INTS9: variants seen among roughly 807,000 people sequenced by gnomAD.
INTS9 encodes the protein protein related to CPSF subunits of 74 kDa.
INTS9 carries 55 observed loss-of-function variants against 79.7 expected under a neutral mutation model. The observed-to-expected ratio is 0.69, with a 90% confidence interval of 0.56 to 0.86. INTS9 has a LOEUF of 0.86. Ranked by LOEUF, INTS9 falls within the 40% of genes least tolerant of loss-of-function variation. The pLI is 0.00. For missense variants in INTS9, 721 were observed against 831.5 expected, an observed-to-expected ratio of 0.87 and a Z score of 1.64; for synonymous variants, 319 against 325.2, an observed-to-expected ratio of 0.98 and a Z score of 0.20.
At chr8:28,808,297 G>A (rs961322089) in intron 8 of INTS9, among the ~76,000 whole-genome samples, 5 of 151,384 alleles carry the variant, frequency 3.3e-5, no homozygotes, top group Non-Finnish European at 2.9e-5. Flanking sequence ...GGGTTCAAGC[G>A]ATTCTCCTGC....
intron 14 of INTS9, among the ~76,000 whole-genome samples, chr8:28,772,397 C>T (rs1311490937): frequency 6.6e-6 from 1 of 152,022 alleles, no homozygotes; most frequent in Non-Finnish European, 1.5e-5. Context: ...GCCTATAATC[C>T]CAGCTACTCG....
chr8:28,804,476 C>A (rs1804694505), intron 8 of INTS9, among the ~76,000 whole-genome samples: 1 of 147,382 alleles, frequency 6.8e-6, no homozygotes, highest in Non-Finnish European at 1.5e-5. Context: ...CGCCCCCCTG[C>A]ATGAGGAAGG....
At position 28,768,059 on chromosome 8, in the gene INTS9, T is replaced by C; in HGVS notation, c.*87A>G. The C allele has an allele frequency of 8.2e-7, 1 of 1,215,464 alleles. No individual in the cohort carries two copies. The highest frequency in any genetic ancestry group is 1.2e-6 in the Non-Finnish European group (1 of 831,382). 75.3% of individuals were successfully genotyped at this position (1,215,464 alleles called of 1,614,324 possible). ...GAGGACACCACAAAGACACAGTTAA[T>C]GGCCTCTCATGCCACTCCTCAGGTG... On this transcript the variant is annotated 3_prime_UTR_variant, in exon 17 of 17. Transcript: ENST00000521022.
intron 1 of INTS9, among the ~76,000 whole-genome samples, chr8:28,883,292 C>A (rs1013714083): frequency 6.6e-6 from 1 of 152,194 alleles, no homozygotes. Context: ...TCTTATGGCA[C>A]CATATTTTTA....
At chr8:28,871,398 T>A (rs1216981217) in intron 1 of INTS9, among the ~76,000 whole-genome samples, 1 of 152,172 alleles carries the variant, frequency 6.6e-6, no homozygotes, top group African/African-American at 2.4e-5. Flanking sequence ...AATATAATTC[T>A]GGGGTAGGAG....
intron 6 of INTS9, among the ~76,000 whole-genome samples, chr8:28,819,386 A>C (rs1426844279): frequency 1.3e-5 from 2 of 152,044 alleles, no homozygotes; most frequent in African/African-American, 2.4e-5. Flanking sequence ...GAACATCTTT[A>C]TTTCTGCCTT....
chr8:28,876,826 C>T (rs1019479875), intron 1 of INTS9, among the ~76,000 whole-genome samples: 1 of 151,840 alleles, frequency 6.6e-6, no homozygotes, highest in Non-Finnish European at 1.5e-5. Context: ...GAAAACCACA[C>T]AGGAAAAGAT....
At chr8:28,881,824 G>GGGT (rs1177521016) in intron 1 of INTS9, among the ~76,000 whole-genome samples, 32 of 145,420 alleles carry the variant, frequency 2.2e-4, no homozygotes, top group Non-Finnish European at 4.3e-4. Flanking sequence ...CCGTCCGGGA[G>GGGT]GGTGGTGGGG....
At chr8:28,769,069 G>A (rs747251021) in intron 16 of INTS9, among the ~76,000 whole-genome samples, 29 of 152,326 alleles carry the variant, frequency 1.9e-4, no homozygotes, top group Non-Finnish European at 3.7e-4. Flanking sequence ...GGTCTTCAGG[G>A]AGGGTGGAAG....
rs1802998479 is a variant in INTS9 at position 28,778,021 on chromosome 8, C to G, written c.1271-68G>C. Reference sequence around the variant, plus strand: ...CAGGAGCTGCCAAGCCAGACAGCAACTGGGGCGCTGAGGGCCCACAGACAG... The same window carrying G: ...CAGGAGCTGCCAAGCCAGACAGCAAGTGGGGCGCTGAGGGCCCACAGACAG... On this transcript the variant is annotated intron_variant, in intron 12 of 16. Coordinates refer to ENST00000521022, the MANE Select transcript of INTS9 (RefSeq NM_018250.4). The G allele has an allele frequency of 6.7e-6, 10 of 1,490,740 alleles. No individual in the cohort carries two copies. The South Asian group carries it at 1.3e-4, about 20-fold the overall frequency. 92.3% of individuals were successfully genotyped at this position (1,490,740 alleles called of 1,614,324 possible).
chr8:28,775,672 TA>T, intron 14 of INTS9, 86 bp downstream of exon 14: 13 of 1,396,646 alleles, frequency 9.3e-6, no homozygotes, highest in East Asian at 2.3e-5. Flanking sequence ...ATACTTGACA[TA>T]AATCCAAAAG....
chr8:28,815,071 G>A lies in INTS9; in HGVS notation c.489-1459C>T, dbSNP rs78215219. Among the ~76,000 whole-genome samples the A allele has an allele frequency of 3.3e-3, 496 of 152,238 alleles. 2 individuals are homozygous for A. The highest frequency in any genetic ancestry group is 0.011 in the African/African-American group (476 of 41,556). ...AATAAAGGCCTCAAGTGGGGGCAGA[G>A]GAGCAGGCAGGGAAATTAGAAGAAA... On this transcript the variant is annotated intron_variant, in intron 6 of 16. Coordinates refer to ENST00000521022, the MANE Select transcript of INTS9 (RefSeq NM_018250.4).
rs35799882 is a variant in INTS9 at position 28,884,168 on chromosome 8, C to CTTTT, written c.9+5702_9+5705dup. ...TACCAAAAGTCTGTCATCAGTGTAT[C>CTTTT]TTTTTTTTTTTTTTTTTTTTTTTTT... On this transcript the variant is annotated intron_variant, in intron 1 of 16. Coordinates refer to ENST00000521022, the MANE Select transcript of INTS9 (RefSeq NM_018250.4). Among the ~76,000 whole-genome samples, 121 of 46,986 alleles carry CTTTT rather than the reference C, an allele frequency of 2.6e-3. 5 individuals are homozygous for CTTTT. The highest frequency in any genetic ancestry group is 4.4e-3 in the South Asian group (3 of 688). The allele number at this position is 46,986 out of a possible 152,430, so 30.8% of individuals were successfully genotyped here. A position where few individuals can be genotyped will look rare whatever the true frequency, so the allele number is the denominator to read the frequency against.
chr8:28,882,322 G>C (rs1585537164), intron 1 of INTS9, among the ~76,000 whole-genome samples: 1 of 114,340 alleles, frequency 8.7e-6, no homozygotes, highest in Non-Finnish European at 2.2e-5. Context: ...CACTGCGGAA[G>C]GCCGAAGGCC....
At chr8:28,831,566 G>A (rs946635112) in intron 6 of INTS9, among the ~76,000 whole-genome samples, 2 of 152,176 alleles carry the variant, frequency 1.3e-5, no homozygotes, top group African/African-American at 4.8e-5. Flanking sequence ...CCGTAATGTA[G>A]GTGGCACTTC....
chr8:28,872,994 T>C (rs1809178301), intron 1 of INTS9, among the ~76,000 whole-genome samples: 1 of 152,032 alleles, frequency 6.6e-6, no homozygotes, highest in Admixed American at 6.5e-5. Flanking sequence ...TTTTTCTTTA[T>C]GCCTCTCAGG....
intron 10 of INTS9, among the ~76,000 whole-genome samples, chr8:28,790,907 A>T (rs1803885301): frequency 6.6e-6 from 1 of 152,222 alleles, no homozygotes; most frequent in South Asian, 2.1e-4. Flanking sequence ...AGGCACCGTC[A>T]ATGCCCTCAG....
intron 10 of INTS9, among the ~76,000 whole-genome samples, chr8:28,789,145 C>G (rs535291188): frequency 6.6e-6 from 1 of 152,308 alleles, no homozygotes; most frequent in Non-Finnish European, 1.5e-5. Flanking sequence ...GACACTAGTT[C>G]TGTCTTTATT....
intron 6 of INTS9, among the ~76,000 whole-genome samples, chr8:28,826,542 C>A (rs1223394929): frequency 1.3e-5 from 2 of 151,606 alleles, no homozygotes; most frequent in Non-Finnish European, 2.9e-5. Flanking sequence ...CTCCAAGTGA[C>A]CCCTACCCAC....
Sources: gnomAD v4.1 joint callset for allele counts (sites outside exome capture counted in the v4.1 genomes callset) on GRCh38, gnomAD v4.1.1 for gene constraint, MANE v1.5 for transcripts, NCBI Gene and HGNC (gene_info 2026-07-23, HGNC 2026-07-21) for gene names.